The following CTNND2 variants were observed in gnomAD, a reference collection of about 807,000 sequenced individuals.
The protein encoded by CTNND2 is catenin delta 2.
In CTNND2, 22 loss-of-function variants were observed where a neutral mutation model predicts 144.4. The ratio of observed to expected loss-of-function variants is 0.15; its 90% CI spans 0.11 to 0.22. CTNND2 has a LOEUF of 0.22. CTNND2 is among the 10% of genes least tolerant of loss of function. The pLI, the probability that CTNND2 is intolerant of heterozygous loss-of-function variation, is 1.00. For synonymous variants in CTNND2, 751 were observed against 695.6 expected (o/e 1.08, Z -1.25); for missense variants, 1,353 against 1,618.8 (o/e 0.84, Z 2.82).
intron 19 of CTNND2, among the ~76,000 whole-genome samples, chr5:10,990,376 G>A (rs2149497260): frequency 1.3e-5 from 2 of 152,318 alleles, no homozygotes; most frequent in South Asian, 4.1e-4. Context: ...CAAGCTCTGT[G>A]CCCTGTCACT....
chr5:11,753,506 T>A (rs575811178), intron 1 of CTNND2, among the ~76,000 whole-genome samples: 1 of 151,954 alleles, frequency 6.6e-6, no homozygotes, highest in African/African-American at 2.4e-5. Flanking sequence ...CAAACCTGCA[T>A]CCAGGAATAA....
intron 2 of CTNND2, among the ~76,000 whole-genome samples, chr5:11,592,349 A>C (rs1355143364): frequency 6.6e-6 from 1 of 151,866 alleles, no homozygotes; most frequent in African/African-American, 2.4e-5. Context: ...TCTTTTTTCT[A>C]AAATGAAATA....
At chr5:11,511,774 T>A (rs947169903) in intron 3 of CTNND2, among the ~76,000 whole-genome samples, 1 of 152,132 alleles carries the variant, frequency 6.6e-6, no homozygotes. Flanking sequence ...CTGCCTTTAC[T>A]CTCATTCTAC....
chr5:11,144,922 A>C (rs1025450419), intron 12 of CTNND2, among the ~76,000 whole-genome samples: 26 of 152,108 alleles, frequency 1.7e-4, no homozygotes, highest in Middle Eastern at 3.2e-3. Context: ...ACAGACTTTC[A>C]TTACAATTGC....
intron 10 of CTNND2, among the ~76,000 whole-genome samples, chr5:11,233,716 CTGTGTGTG>C (rs3033106): frequency 1.5e-4 from 22 of 148,336 alleles, no homozygotes; most frequent in East Asian, 1.2e-3. Context: ...GTTTACGTGT[CTGTGTGTG>C]TGTGTGTGTG....
chr5:11,837,346 T>C (rs146018729), intron 1 of CTNND2, among the ~76,000 whole-genome samples: 2 of 152,374 alleles, frequency 1.3e-5, no homozygotes, highest in African/African-American at 4.8e-5. Context: ...ATGAAGTCTA[T>C]CTTGTTCAAC....
At chr5:11,284,595 G>A (rs143772062) in intron 9 of CTNND2, among the ~76,000 whole-genome samples, 2 of 152,204 alleles carry the variant, frequency 1.3e-5, no homozygotes, top group Non-Finnish European at 2.9e-5. Context: ...ACATGATCTT[G>A]TTCCTTTTTA....
At chr5:11,721,667 G>A (rs1323866787) in intron 2 of CTNND2, among the ~76,000 whole-genome samples, 1 of 152,190 alleles carries the variant, frequency 6.6e-6, no homozygotes, top group Non-Finnish European at 1.5e-5. Context: ...AGTCAGTGCT[G>A]GCATCAGCCA....
chr5:11,285,827 G>T (rs1215512713), intron 9 of CTNND2, among the ~76,000 whole-genome samples: 3 of 67,754 alleles, frequency 4.4e-5, no homozygotes, highest in East Asian at 5.3e-4. Context: ...TAAAAGCCAG[G>T]GGGTTTATTT....
intron 3 of CTNND2, among the ~76,000 whole-genome samples, chr5:11,560,777 T>C (rs147217000): frequency 1.4e-4 from 21 of 152,142 alleles, no homozygotes; most frequent in Non-Finnish European, 2.5e-4. Context: ...AGAGGGAGGA[T>C]ATTCTAGGAA....
At chr5:11,698,145 C>G (rs1040189338) in intron 2 of CTNND2, among the ~76,000 whole-genome samples, 1 of 152,138 alleles carries the variant, frequency 6.6e-6, no homozygotes, top group Non-Finnish European at 1.5e-5. Flanking sequence ...AGAGTAAATG[C>G]TGCAGGGAAA....
intron 2 of CTNND2, among the ~76,000 whole-genome samples, chr5:11,571,744 T>C (rs541386460): frequency 1.3e-5 from 2 of 152,154 alleles, no homozygotes; most frequent in Non-Finnish European, 2.9e-5. Context: ...TAGAACTCCA[T>C]TCCCTTGGGT....
chr5:11,868,144 G>A (rs532725750), intron 1 of CTNND2, among the ~76,000 whole-genome samples: 1 of 151,968 alleles, frequency 6.6e-6, no homozygotes, highest in African/African-American at 2.4e-5. Flanking sequence ...TGACGCATGC[G>A]CAGGGGTGTC....
At chr5:11,179,617 G>C (rs1760813306) in intron 11 of CTNND2, among the ~76,000 whole-genome samples, 1 of 152,060 alleles carries the variant, frequency 6.6e-6, no homozygotes, top group Non-Finnish European at 1.5e-5. Context: ...TTTGTTATAA[G>C]AGATATGGTT....
chr5:11,560,622 T>C (rs1427123085), intron 3 of CTNND2, among the ~76,000 whole-genome samples: 3 of 152,106 alleles, frequency 2.0e-5, no homozygotes, highest in African/African-American at 7.2e-5. Context: ...CTCCAACACT[T>C]TGTGAAGTTA....
chr5:11,885,463 T>C (rs1335831192), intron 1 of CTNND2, among the ~76,000 whole-genome samples: 2 of 152,158 alleles, frequency 1.3e-5, no homozygotes, highest in Non-Finnish European at 2.9e-5. Context: ...AAGATCCTTA[T>C]ATAATGATCT....
intron 9 of CTNND2, among the ~76,000 whole-genome samples, chr5:11,273,969 A>G (rs26469): frequency 0.47 from 71,348 of 151,982 alleles, 16,933 homozygotes; most frequent in African/African-American, 0.51. Context: ...TGGGGCGGCC[A>G]GGGAGGGGAC....
intron 12 of CTNND2, among the ~76,000 whole-genome samples, chr5:11,128,576 G>A (rs757995908): frequency 1.3e-5 from 2 of 149,012 alleles, no homozygotes; most frequent in Admixed American, 7.0e-5. Context: ...CAGGGTAAAC[G>A]GATTCTTCTC....
At chr5:11,137,005 C>T (rs768701382) in intron 12 of CTNND2, among the ~76,000 whole-genome samples, 3 of 152,236 alleles carry the variant, frequency 2.0e-5, no homozygotes, top group Admixed American at 6.5e-5. Context: ...TGCCTCCTTC[C>T]TGCAAAGCCC....
Sources: gnomAD v4.1 joint callset for allele counts (sites outside exome capture counted in the v4.1 genomes callset) on GRCh38, gnomAD v4.1.1 for gene constraint, MANE v1.5 for transcripts, NCBI Gene and HGNC (gene_info 2026-07-23, HGNC 2026-07-21) for gene names.